The following RWDD1 variants were observed in gnomAD, a reference collection of about 807,000 sequenced individuals.
RWDD1 encodes RWD domain-containing protein 1.
A neutral mutation model predicts 31.6 loss-of-function variants in RWDD1; 17 were observed. That is an observed-to-expected ratio of 0.54 (90% CI 0.37 to 0.81). The LOEUF (loss-of-function observed/expected upper bound fraction) is 0.81, where lower values mean the gene tolerates loss of function less well. Ranked by LOEUF, RWDD1 falls within the 30% of genes least tolerant of loss-of-function variation. The pLI, the probability that RWDD1 is intolerant of heterozygous loss-of-function variation, is 0.00. For missense variants in RWDD1, 204 were observed against 274.5 expected (o/e 0.74, Z 1.82); for synonymous variants, 78 against 94.2 (o/e 0.83, Z 0.99).
intron 1 of RWDD1, among the ~76,000 whole-genome samples, chr6:116,575,892 A>G (rs1206021072): frequency 2.0e-5 from 3 of 152,190 alleles, no homozygotes; most frequent in Non-Finnish European, 4.4e-5. Context: ...TTCTTAAGGA[A>G]ATTTCCTGGA....
At position 116,571,513 on chromosome 6, in the gene RWDD1, C is replaced by G. The variant is rs1210842902; in HGVS notation, c.-70C>G. ...CTGGCCGCCGCCCGCTCTCCCGGCG[C>G]GGCAGCTGTCTGGGCTGCTGCGCGC... On this transcript the variant is annotated 5_prime_UTR_variant, in exon 1 of 7. Transcript: ENST00000466444. 6.7e-7 allele frequency: 1 copy of G among 1,497,064 alleles called. No homozygotes were observed. Among genetic ancestry groups the G allele is most frequent in the Non-Finnish European group, 9.0e-7 (1 of 1,111,644 alleles). 92.7% of individuals were successfully genotyped at this position (1,497,064 alleles called of 1,614,324 possible). A position where few individuals can be genotyped will look rare whatever the true frequency, so the allele number is the denominator to read the frequency against.
chr6:116,590,627 A>G (rs890606899), intron 5 of RWDD1, among the ~76,000 whole-genome samples: 3 of 152,134 alleles, frequency 2.0e-5, no homozygotes, highest in Non-Finnish European at 4.4e-5. Flanking sequence ...AGATCCTGTG[A>G]TAGAAGGACA....
At chr6:116,589,868 C>T (rs539409403) in intron 4 of RWDD1, among the ~76,000 whole-genome samples, 1 of 152,280 alleles carries the variant, frequency 6.6e-6, no homozygotes, top group African/African-American at 2.4e-5. Context: ...AGACAGGCCA[C>T]CATGATTCAG....
At chr6:116,575,546 A>G (rs1774823750) in intron 1 of RWDD1, among the ~76,000 whole-genome samples, 1 of 152,018 alleles carries the variant, frequency 6.6e-6, no homozygotes, top group Admixed American at 6.6e-5. Context: ...CAATTAAGTA[A>G]CTTTCCCATC....
In RWDD1 at chr6:116,589,152, T is replaced by C. The variant is rs181263343; in HGVS notation, c.414+167T>C. Among the ~76,000 whole-genome samples, 549 of 152,198 alleles carry C rather than the reference T, an allele frequency of 3.6e-3. 1 individual carries two copies. Among genetic ancestry groups the C allele is most frequent in the Admixed American group, 5.2e-3 (80 of 15,284 alleles). Reference sequence around the variant, plus strand: ...AAAATTGTAGAAGTCCCTCATTTGGTTGGTGGCATAGCATGAGTAATGAAT... The same window carrying C: ...AAAATTGTAGAAGTCCCTCATTTGGCTGGTGGCATAGCATGAGTAATGAAT... On this transcript the variant is annotated intron_variant, in intron 4 of 6. Transcript: ENST00000466444.
rs2115339975 is a variant in RWDD1, at chr6:116,594,397, A to G, written c.*1296A>G. On this transcript the variant is annotated 3_prime_UTR_variant, in exon 7 of 7. Coordinates refer to ENST00000466444, the MANE Select transcript of RWDD1 (RefSeq NM_015952.4). ...ATCATTTGTGGAGTTTCTAAAAGGT[A>G]TGCATTCCTAGGCCCCTCTCAAGTT... 1 of 152,270 alleles carries G rather than the reference A, an allele frequency of 6.6e-6. No individual in the cohort carries two copies. The allele number at this position is 152,270 out of a possible 1,614,324, so 9.4% of individuals were successfully genotyped here.
intron 2 of RWDD1, among the ~76,000 whole-genome samples, chr6:116,580,775 A>C (rs1358863568): frequency 1.3e-5 from 2 of 152,038 alleles, no homozygotes; most frequent in African/African-American, 4.8e-5. Flanking sequence ...TGGTGTTATA[A>C]ATGGGGCTGG....
chr6:116,584,544 C>G lies in RWDD1; in HGVS notation c.140-183C>G, dbSNP rs139759428. Among the ~76,000 whole-genome samples, 447 of 152,284 alleles carry G rather than the reference C, an allele frequency of 2.9e-3. 3 individuals carry two copies. Among genetic ancestry groups the G allele is most frequent in the Non-Finnish European group, 5.1e-3 (348 of 68,018 alleles). On this transcript the variant is annotated intron_variant, in intron 2 of 6. Transcript: ENST00000466444. Reference sequence around the variant, plus strand: ...GTGTAAGTGTGATTTTTGGTATTCCCATGATTTGTTTCATGTATCTCTTTG... The same window carrying G: ...GTGTAAGTGTGATTTTTGGTATTCCGATGATTTGTTTCATGTATCTCTTTG...
intron 1 of RWDD1, among the ~76,000 whole-genome samples, chr6:116,579,560 A>G (rs1774912606): frequency 6.6e-6 from 1 of 152,230 alleles, no homozygotes; most frequent in Admixed American, 6.5e-5. Flanking sequence ...TAGAGTTGTT[A>G]TAGCATTCTT....
rs190978109 is a variant in RWDD1, at chr6:116,579,171, C to T, written c.74-1124C>T. 7.4e-4 allele frequency among the ~76,000 whole-genome samples: 113 copies of T among 152,308 alleles called. 1 individual carries two copies. Among genetic ancestry groups the T allele is most frequent in the Admixed American group, 6.5e-4 (10 of 15,292 alleles). ...GACTACAGGCATGAGCCACTGTGCCCGGCCAGAAAATACTGTTGATAATAT... is the reference window on the plus strand; with the variant it reads ...GACTACAGGCATGAGCCACTGTGCCTGGCCAGAAAATACTGTTGATAATAT... On this transcript the variant is annotated intron_variant, in intron 1 of 6. Transcript: ENST00000466444.
intron 3 of RWDD1, among the ~76,000 whole-genome samples, chr6:116,587,377 C>T (rs1775061939): frequency 6.6e-6 from 1 of 152,038 alleles, no homozygotes; most frequent in Non-Finnish European, 1.5e-5. Context: ...GTAGAGGAAC[C>T]AACTTGTTAA....
In RWDD1 at chr6:116,596,634, C is replaced by G. The variant is rs1248246830; in HGVS notation, c.*3533C>G. ...CATTTTTTAGTTCAACTTTTGACAA[C>G]CTTATATTCATTGACACCATGGACA... On this transcript the variant is annotated 3_prime_UTR_variant, in exon 7 of 7. Transcript: ENST00000466444. 6.6e-6 allele frequency: 1 copy of G among 152,072 alleles called. No homozygotes were observed. Among genetic ancestry groups the G allele is most frequent in the Non-Finnish European group, 1.5e-5 (1 of 68,008 alleles). The allele number at this position is 152,072 out of a possible 1,614,324, so 9.4% of individuals were successfully genotyped here. A position where few individuals can be genotyped will look rare whatever the true frequency, so the allele number is the denominator to read the frequency against.
intron 3 of RWDD1, among the ~76,000 whole-genome samples, chr6:116,585,609 C>T (rs1490653614): frequency 1.3e-5 from 2 of 151,992 alleles, no homozygotes; most frequent in East Asian, 3.9e-4. Flanking sequence ...ATATCTCCAC[C>T]TTATATGTGA....
At chr6:116,589,629 G>A (rs1037550698) in intron 4 of RWDD1, among the ~76,000 whole-genome samples, 3 of 152,110 alleles carry the variant, frequency 2.0e-5, no homozygotes, top group South Asian at 2.1e-4. Context: ...GTATTAGTTC[G>A]TTTTCATGCT....
chr6:116,573,462 C>T (rs1328301291), intron 1 of RWDD1, among the ~76,000 whole-genome samples: 1 of 152,138 alleles, frequency 6.6e-6, no homozygotes, highest in Admixed American at 6.5e-5. Context: ...TTTCTACAAG[C>T]TTTGCAATAA....
intron 1 of RWDD1, chr6:116,572,597 A>G (rs1774759442): frequency 6.6e-6 from 1 of 152,326 alleles, no homozygotes; most frequent in Non-Finnish European, 1.5e-5. Flanking sequence ...TAACTATATC[A>G]ATATGGCTCC....
At chr6:116,572,901 A>G (rs2115320430) in intron 1 of RWDD1, 1 of 985,400 alleles carries the variant, frequency 1.0e-6, no homozygotes, top group Non-Finnish European at 1.2e-6. Flanking sequence ...AGTCCTGTTC[A>G]TGTTCTCTCT....
chr6:116,580,268 A>T, intron 1 of RWDD1, 27 bp from the exon 2 acceptor site: 1 of 1,546,918 alleles, frequency 6.5e-7, no homozygotes, highest in Non-Finnish European at 8.8e-7. Flanking sequence ...AAGCATTTCA[A>T]TAACTTCTGT....
At chr6:116,572,643 T>A (rs1489588680) in intron 1 of RWDD1, among the ~76,000 whole-genome samples, 3 of 152,206 alleles carry the variant, frequency 2.0e-5, no homozygotes. Context: ...AAAGCCAATA[T>A]GAGTGAGTAG....
Sources: gnomAD v4.1 joint callset for allele counts (sites outside exome capture counted in the v4.1 genomes callset) on GRCh38, gnomAD v4.1.1 for gene constraint, MANE v1.5 for transcripts, NCBI Gene and HGNC (gene_info 2026-07-23, HGNC 2026-07-21) for gene names.